KDSR: variants seen among roughly 807,000 people sequenced by gnomAD.
The protein encoded by KDSR is 3-ketodihydrosphingosine reductase, also known as 3-dehydrosphinganine reductase.
A neutral mutation model predicts 41.3 loss-of-function variants in KDSR; 23 were observed. The observed-to-expected ratio is 0.56, with a 90% CI of 0.40 to 0.79. The LOEUF is 0.79. Ranked by LOEUF, KDSR falls within the 30% of genes least tolerant of loss-of-function variation. The pLI, the probability that KDSR is intolerant of heterozygous loss-of-function variation, is 0.00. For synonymous variants in KDSR, 138 were observed against 151.7 expected (o/e 0.91, Z 0.66); for missense variants, 351 against 416.8 (o/e 0.84, Z 1.37).
At chr18:63,358,010 T>G (rs933064670) in intron 3 of KDSR, among the ~76,000 whole-genome samples, 3 of 152,026 alleles carry the variant, frequency 2.0e-5, no homozygotes, top group Non-Finnish European at 4.4e-5. Flanking sequence ...ACCCTGTCTC[T>G]ACTAAAAATA....
At chr18:63,347,306 G>A (rs1043831701) in intron 6 of KDSR, among the ~76,000 whole-genome samples, 1 of 151,834 alleles carries the variant, frequency 6.6e-6, no homozygotes, top group African/African-American at 2.4e-5. Context: ...GACCAGCCTG[G>A]CCAACATGGT....
rs1914437496 is a variant in KDSR at position 63,344,450 on chromosome 18, T to G, written c.653A>C (p.Asp218Ala). Reference protein sequence around the residue: ...NVYITVAYPPDTDTPGFAEEN... With the variant: ...NVYITVAYPPATDTPGFAEEN... ...TTCGGCAAAGCCAGGTGTGTCTGTG[T>G]CTGGTGGGTAAGCAACTGTGATGTA... The change falls in exon 7 of 10, where the codon GAC (aspartate) becomes GCC (alanine). Residue 218 changes from aspartate to alanine, a missense_variant. Coordinates refer to ENST00000645214, the MANE Select transcript of KDSR (RefSeq NM_002035.4). 2 of 1,614,110 alleles carry G rather than the reference T, an allele frequency of 1.2e-6. No homozygotes were observed. The highest frequency in any genetic ancestry group is 8.5e-7 in the Non-Finnish European group (1 of 1,179,964).
chr18:63,331,951 T>TTC, intron 9 of KDSR, 50 bp from the exon 10 acceptor site: 1 of 1,592,848 alleles, frequency 6.3e-7, no homozygotes, highest in South Asian at 1.1e-5. Flanking sequence ...ACAAGACTAT[T>TTC]TCAAGGTACC....
chr18:63,364,647 T>TG (rs774179792), intron 1 of KDSR, among the ~76,000 whole-genome samples: 6 of 152,162 alleles, frequency 3.9e-5, no homozygotes, highest in Non-Finnish European at 8.8e-5. Flanking sequence ...TTTCACCATG[T>TG]TGGCCAGGCT....
At chr18:63,361,304 A>G (rs1467537954) in intron 2 of KDSR, among the ~76,000 whole-genome samples, 1 of 148,410 alleles carries the variant, frequency 6.7e-6, no homozygotes, top group Non-Finnish European at 1.5e-5. Context: ...CAAGGGCCCC[A>G]TATGAGCTCC....
intron 6 of KDSR, among the ~76,000 whole-genome samples, chr18:63,349,123 T>G (rs1367973282): frequency 6.6e-6 from 1 of 152,228 alleles, no homozygotes; most frequent in Non-Finnish European, 1.5e-5. Context: ...GGCTCACACC[T>G]GTAATCCCAG....
At chr18:63,364,015 A>C (rs1915065113) in intron 1 of KDSR, among the ~76,000 whole-genome samples, 1 of 152,094 alleles carries the variant, frequency 6.6e-6, no homozygotes, top group Admixed American at 6.5e-5. Context: ...CACTGAAGAG[A>C]TTTATTTGGT....
chr18:63,361,209 C>CAAAAAAAAAAAA (rs71162630), intron 2 of KDSR, among the ~76,000 whole-genome samples: 2 of 15,512 alleles, frequency 1.3e-4, no homozygotes, highest in African/African-American at 3.3e-4. Context: ...AACTCCGTCT[C>CAAAAAAAAAAAA]AAAAAAAAAA....
chr18:63,333,864 G>A (rs1440084353), intron 9 of KDSR, among the ~76,000 whole-genome samples: 1 of 152,156 alleles, frequency 6.6e-6, no homozygotes, highest in Admixed American at 6.5e-5. Context: ...TGCCAGAATT[G>A]CAGAGAATGG....
chr18:63,360,168 G>A (rs775154602), intron 2 of KDSR, among the ~76,000 whole-genome samples: 1 of 152,064 alleles, frequency 6.6e-6, no homozygotes, highest in Non-Finnish European at 1.5e-5. Context: ...GCTCCCCAAA[G>A]TTGAGGGTAT....
chr18:63,351,161 A>T (rs190777855), intron 5 of KDSR, 82 bp from the exon 6 acceptor site: 2 of 1,201,416 alleles, frequency 1.7e-6, no homozygotes, highest in Non-Finnish European at 2.3e-6. Flanking sequence ...TCTGGATTTC[A>T]GTTCTTCAAT....
intron 6 of KDSR, 67 bp from the exon 7 acceptor site, chr18:63,344,560 T>C (rs1914441729): frequency 9.1e-7 from 1 of 1,103,714 alleles, no homozygotes. Context: ...ACTGCCAACC[T>C]GCACTGGCTG....
At chr18:63,366,859 G>T in intron 1 of KDSR, 152 bp downstream of exon 1, 1 of 407,972 alleles carries the variant, frequency 2.5e-6, no homozygotes, top group Non-Finnish European at 4.2e-6. Context: ...GGGGAAAAGC[G>T]CCGGGGTGGA....
chr18:63,353,476 C>T (rs1166485870), intron 5 of KDSR, among the ~76,000 whole-genome samples: 1 of 152,060 alleles, frequency 6.6e-6, no homozygotes, highest in Non-Finnish European at 1.5e-5. Flanking sequence ...CCAAAAGGCT[C>T]CAGCTGCAAG....
chr18:63,340,513 A>C (rs1434669741), intron 7 of KDSR, among the ~76,000 whole-genome samples: 1 of 152,248 alleles, frequency 6.6e-6, no homozygotes, highest in Non-Finnish European at 1.5e-5. Context: ...CCACAGTTCA[A>C]GGTGGTAAGT....
intron 2 of KDSR, among the ~76,000 whole-genome samples, chr18:63,362,435 C>T (rs1000228565): frequency 6.6e-6 from 1 of 152,198 alleles, no homozygotes; most frequent in Non-Finnish European, 1.5e-5. Context: ...TCCAGAATCA[C>T]TGCTTCCAGC....
chr18:63,357,686 A>G (rs1376810756), intron 3 of KDSR, among the ~76,000 whole-genome samples: 2 of 150,796 alleles, frequency 1.3e-5, no homozygotes, highest in African/African-American at 4.9e-5. Flanking sequence ...CCCAGATCCA[A>G]GTGATTCTCC....
chr18:63,355,800 A>T (rs1442096358), intron 3 of KDSR, among the ~76,000 whole-genome samples: 1 of 152,200 alleles, frequency 6.6e-6, no homozygotes, highest in Non-Finnish European at 1.5e-5. Context: ...AAATGCCACT[A>T]ATCTATAGTG....
At chr18:63,356,458 A>T (rs533416877) in intron 3 of KDSR, among the ~76,000 whole-genome samples, 8 of 152,288 alleles carry the variant, frequency 5.3e-5, no homozygotes, top group African/African-American at 1.9e-4. Flanking sequence ...CTTTTCATGC[A>T]GTATTAGATC....
Sources: gnomAD v4.1 joint callset for allele counts (sites outside exome capture counted in the v4.1 genomes callset) on GRCh38, gnomAD v4.1.1 for gene constraint, MANE v1.5 for transcripts, NCBI Gene and HGNC (gene_info 2026-07-23, HGNC 2026-07-21) for gene names.